The following NCAPD2 variants were observed in gnomAD, a reference collection of about 807,000 sequenced individuals.
NCAPD2 encodes the protein non-SMC condensin I complex subunit D2, also known as condensin complex subunit 1.
NCAPD2 carries 100 observed loss-of-function variants against 164.5 expected under a neutral mutation model. The ratio of observed to expected loss-of-function variants is 0.61; its 90% CI spans 0.52 to 0.72. NCAPD2 has a LOEUF of 0.72. Among genes scored for constraint, NCAPD2 ranks in the 30% least tolerant of loss-of-function variants. NCAPD2 has a pLI of 0.00. For synonymous variants in NCAPD2, 585 were observed against 642.6 expected (o/e 0.91, Z 1.36); for missense variants, 1,560 against 1,749.2 (o/e 0.89, Z 1.93).
intron 2 of NCAPD2, among the ~76,000 whole-genome samples, chr12:6,498,912 A>G (rs1429222898): frequency 6.6e-6 from 1 of 152,006 alleles, no homozygotes; most frequent in African/African-American, 2.4e-5. Context: ...CCTGTTTAAC[A>G]ATAATATTAA....
intron 2 of NCAPD2, among the ~76,000 whole-genome samples, chr12:6,508,370 A>G (rs1946116038): frequency 6.6e-6 from 1 of 152,182 alleles, no homozygotes; most frequent in Admixed American, 6.6e-5. Flanking sequence ...TGTTCAAAGG[A>G]CACAGGCCAA....
intron 2 of NCAPD2, among the ~76,000 whole-genome samples, chr12:6,507,221 A>G (rs961048274): frequency 6.6e-6 from 1 of 152,122 alleles, no homozygotes; most frequent in Non-Finnish European, 1.5e-5. Flanking sequence ...AAGCGATTCT[A>G]CTGCCTCCAC....
rs767933829 is a variant in NCAPD2, at chr12:6,510,814, A to ATT, written c.444+6_444+7dup. 40 of 1,613,764 alleles carry ATT rather than the reference A, an allele frequency of 2.5e-5. No homozygotes were observed. The highest frequency in any genetic ancestry group is 3.4e-5 in the Non-Finnish European group (40 of 1,179,898). ...GGACCTGGACCTTGGTGGGAAGGTAATTTGGAGTTTTGGGCTCACGTTATA... is the reference window on the plus strand; with the variant it reads ...GGACCTGGACCTTGGTGGGAAGGTAATTTTTGGAGTTTTGGGCTCACGTTATA... On this transcript the variant is annotated splice_donor_region_variant and intron_variant, in intron 5 of 31. Coordinates refer to ENST00000315579, the MANE Select transcript of NCAPD2 (RefSeq NM_014865.4).
chr12:6,495,360 GT>G, intron 2 of NCAPD2, 135 bp downstream of exon 2: 1 of 1,123,648 alleles, frequency 8.9e-7, no homozygotes, highest in Non-Finnish European at 1.2e-6. Flanking sequence ...CTATTTTGCT[GT>G]TTTATCCTAA....
chr12:6,496,444 G>T (rs1945985439), intron 2 of NCAPD2, among the ~76,000 whole-genome samples: 1 of 152,074 alleles, frequency 6.6e-6, no homozygotes, highest in African/African-American at 2.4e-5. Flanking sequence ...TATTTTGAAA[G>T]ACAAGGTAAA....
chr12:6,501,837 AAG>A (rs879685968), intron 2 of NCAPD2, among the ~76,000 whole-genome samples: 3 of 152,314 alleles, frequency 2.0e-5, no homozygotes, highest in Non-Finnish European at 2.9e-5. Flanking sequence ...ACGCTAAATA[AAG>A]AGAGTGTTTC....
chr12:6,523,459 A>T, intron 17 of NCAPD2, 113 bp downstream of exon 17: 2 of 857,190 alleles, frequency 2.3e-6, no homozygotes, highest in Non-Finnish European at 3.5e-6. Context: ...GTGCAATGGC[A>T]CAATCTTGGC....
chr12:6,511,234 T>C lies in NCAPD2; in HGVS notation c.569T>C (p.Ile190Thr), dbSNP rs1299857568. 6.2e-7 allele frequency: 1 copy of C among 1,614,088 alleles called. No individual in the cohort carries two copies. Among genetic ancestry groups the C allele is most frequent in the Non-Finnish European group, 8.5e-7 (1 of 1,180,026 alleles). The part of the protein sequence containing the change: ...DIRHLWNHSI[I>T]EEEFVSLVTG... ...CGTCACCTGTGGAACCACTCAATAA[T>C]TGAAGAAGAATTTGTCAGGTGGGTA... The change falls in exon 6 of 32, where the codon ATT becomes ACT. Residue 190 changes from isoleucine (I) to threonine (T), a missense_variant. Transcript: ENST00000315579.
At chr12:6,509,941 GC>G in intron 3 of NCAPD2, 133 bp from the exon 4 acceptor site, 4 of 1,259,320 alleles carry the variant, frequency 3.2e-6, no homozygotes, top group Non-Finnish European at 4.6e-6. Flanking sequence ...TACCCAGCTT[GC>G]CACCGTATTT....
Position 6,526,538 on chromosome 12 carries a change from G to C in NCAPD2, c.2657G>C (p.Cys886Ser), listed in dbSNP as rs1946319759. 2 of 1,614,050 alleles carry C rather than the reference G, an allele frequency of 1.2e-6. No homozygotes were observed. The highest frequency in any genetic ancestry group is 1.7e-6 in the Non-Finnish European group (2 of 1,180,034). The change falls in exon 21 of 32, where the codon TGT (cysteine) becomes TCT (serine). Residue 886 changes from cysteine to serine, a missense_variant. Transcript: ENST00000315579. Reference protein sequence around the residue: ...YQLAEGPEVICAQILQGCAKQ... With the variant: ...YQLAEGPEVISAQILQGCAKQ... ...CTGGCAGAGGGCCCCGAAGTGATCT[G>C]TGCCCAGATATTGCAGGGCTGTGCA...
At chr12:6,516,747 T>A in intron 9 of NCAPD2, 81 bp from the exon 10 acceptor site, 1 of 1,361,562 alleles carries the variant, frequency 7.3e-7, no homozygotes, top group Non-Finnish European at 1.0e-6. Context: ...ACCTAGGCAG[T>A]TAATGGAAAA....
At chr12:6,496,162 G>A (rs1014228567) in intron 2 of NCAPD2, among the ~76,000 whole-genome samples, 2 of 150,698 alleles carry the variant, frequency 1.3e-5, no homozygotes, top group African/African-American at 2.4e-5. Flanking sequence ...AGGCTCAAGC[G>A]ATTCTCCTGC....
chr12:6,530,004 C>T (rs1946356832), intron 29 of NCAPD2, 46 bp downstream of exon 29: 4 of 1,565,782 alleles, frequency 2.6e-6, no homozygotes, highest in Non-Finnish European at 3.5e-6. Context: ...TCTGGGCTGG[C>T]TAAGACATCT....
intron 2 of NCAPD2, among the ~76,000 whole-genome samples, chr12:6,495,643 A>G (rs189035818): frequency 7.9e-5 from 12 of 152,204 alleles, no homozygotes; most frequent in African/African-American, 7.2e-5. Context: ...AAAACCCATA[A>G]TATATATGTA....
intron 2 of NCAPD2, among the ~76,000 whole-genome samples, chr12:6,500,078 A>G (rs1157853093): frequency 1.3e-5 from 2 of 152,224 alleles, no homozygotes; most frequent in African/African-American, 2.4e-5. Flanking sequence ...AGCCATGATC[A>G]TGCCACTGCA....
chr12:6,498,695 C>A (rs1489829298), intron 2 of NCAPD2, among the ~76,000 whole-genome samples: 1 of 152,016 alleles, frequency 6.6e-6, no homozygotes, highest in Non-Finnish European at 1.5e-5. Flanking sequence ...GCAACCTCCG[C>A]CTCCCAGGTT....
chr12:6,522,777 T>C (rs774704622), intron 15 of NCAPD2, 51 bp from the exon 16 acceptor site: 1 of 1,589,726 alleles, frequency 6.3e-7, no homozygotes, highest in South Asian at 1.1e-5. Flanking sequence ...TCGTTAGGTA[T>C]TGGGGGAGTT....
At chr12:6,522,583 T>C (rs1051183098) in intron 15 of NCAPD2, among the ~76,000 whole-genome samples, 4 of 149,608 alleles carry the variant, frequency 2.7e-5, no homozygotes, top group African/African-American at 9.9e-5. Context: ...AGAACCTGTG[T>C]CTTAAGAAAA....
chr12:6,517,650 G>A lies in NCAPD2; in HGVS notation c.1375G>A (p.Glu459Lys). The change falls in exon 12 of 32, where the codon GAG becomes AAG. Residue 459 changes from glutamate (E) to lysine (K), a missense_variant. Transcript: ENST00000315579. The part of the protein sequence containing the change: ...PLQKETQKLQ[E>K]MRAQRRTAAA... ...GCAGAAGGAGACCCAGAAATTACAA[G>A]AGATGAGGGCCCAGAGGCGAACTGC... The A allele has an allele frequency of 6.2e-7, 1 of 1,614,276 alleles. No homozygotes were observed. Among genetic ancestry groups the A allele is most frequent in the Non-Finnish European group, 8.5e-7 (1 of 1,180,056 alleles).
Sources: gnomAD v4.1 joint callset for allele counts (sites outside exome capture counted in the v4.1 genomes callset) on GRCh38, gnomAD v4.1.1 for gene constraint, MANE v1.5 for transcripts, NCBI Gene and HGNC (gene_info 2026-07-23, HGNC 2026-07-21) for gene names.